ADGB: variants seen among roughly 807,000 people sequenced by gnomAD.
The protein encoded by ADGB is androglobin.
Under a neutral mutation model 210.5 loss-of-function variants are expected in ADGB, and 172 were observed. The observed-to-expected ratio is 0.82, with a 90% CI of 0.72 to 0.93. The LOEUF is 0.93. Ranked by LOEUF, ADGB falls within the 40% of genes least tolerant of loss-of-function variation. The probability of loss-of-function intolerance (pLI) is 0.00; values close to 1 mark genes in which losing one functional copy is unlikely to be tolerated. For missense variants in ADGB, 2,025 were observed against 1,964.8 expected, an observed-to-expected ratio of 1.03 and a Z score of -0.58; for synonymous variants, 658 against 662.7, an observed-to-expected ratio of 0.99 and a Z score of 0.11.
At chr6:146,663,368 T>A (rs1277023968) in intron 5 of ADGB, among the ~76,000 whole-genome samples, 1 of 151,652 alleles carries the variant, frequency 6.6e-6, no homozygotes, top group Non-Finnish European at 1.5e-5. Flanking sequence ...GTAGATTTGG[T>A]GTCTGGCAAA....
intron 7 of ADGB, 80 bp from the exon 8 acceptor site, chr6:146,672,140 T>A: frequency 7.0e-7 from 1 of 1,422,646 alleles, no homozygotes; most frequent in Non-Finnish European, 9.3e-7. Context: ...AAGTTGATTT[T>A]TCTGTCAGTA....
chr6:146,640,471 C>T (rs1369038043), intron 2 of ADGB, among the ~76,000 whole-genome samples: 1 of 151,890 alleles, frequency 6.6e-6, no homozygotes, highest in Non-Finnish European at 1.5e-5. Flanking sequence ...ATGAAAACTT[C>T]ATCCCAATAT....
At chr6:146,639,357 G>C (rs1775473463) in intron 2 of ADGB, 1 of 151,826 alleles carries the variant, frequency 6.6e-6, no homozygotes, top group South Asian at 2.1e-4. Context: ...CCACAAACTA[G>C]GTATGAAGGA....
chr6:146,704,339 G>T (rs1458886559), intron 13 of ADGB, among the ~76,000 whole-genome samples: 1 of 150,738 alleles, frequency 6.6e-6, no homozygotes, highest in Non-Finnish European at 1.5e-5. Flanking sequence ...GTTTGCAATT[G>T]TTGCCTGTGC....
rs1447253992 is a variant in ADGB at position 146,692,840 on chromosome 6, A to T, written c.1502A>T (p.Lys501Met). Residue 501 changes from lysine (K) to methionine (M), a missense_variant, in exon 12 of 36, where the codon AAG (lysine) becomes ATG (methionine). Physicochemically the swap from Lys to Met is moderately conservative, Grantham distance 95 (BLOSUM62 -1). Coordinates refer to ENST00000397944, the MANE Select transcript of ADGB (RefSeq NM_024694.4). Reference sequence around the variant, plus strand: ...TACTTTTTAGAGTTAATAGTAAAGAAGCCTGAACGGTTCCTTGAGATTTCA... The same window carrying T: ...TACTTTTTAGAGTTAATAGTAAAGATGCCTGAACGGTTCCTTGAGATTTCA... ...TDEAQELIVK[K>M]PERFLEISSP... 1 of 1,533,240 alleles carries T rather than the reference A, an allele frequency of 6.5e-7. No individual in the cohort carries two copies. The highest frequency in any genetic ancestry group is 1.2e-5 in the South Asian group (1 of 81,678). 95.0% of individuals were successfully genotyped at this position (1,533,240 alleles called of 1,614,324 possible). A position where few individuals can be genotyped will look rare whatever the true frequency, so the allele number is the denominator to read the frequency against.
At chr6:146,675,450 G>C (rs1269511985) in intron 8 of ADGB, among the ~76,000 whole-genome samples, 2 of 151,984 alleles carry the variant, frequency 1.3e-5, no homozygotes, top group Non-Finnish European at 2.9e-5. Flanking sequence ...ACTCCAGCCT[G>C]GGTGGCAGAG....
At chr6:146,727,135 T>C (rs1776906523) in intron 19 of ADGB, among the ~76,000 whole-genome samples, 1 of 151,376 alleles carries the variant, frequency 6.6e-6, no homozygotes. Flanking sequence ...GCCTTCCCAC[T>C]GCATAATTCC....
In ADGB at chr6:146,654,226, C is replaced by G; in HGVS notation, c.402+20C>G. Reference sequence around the variant, plus strand: ...AGCGAGGTATGTACAGAAATATGAACTAAAGTCTCACCATGAAATGACTTC... The same window carrying G: ...AGCGAGGTATGTACAGAAATATGAAGTAAAGTCTCACCATGAAATGACTTC... On this transcript the variant is annotated intron_variant, in intron 4 of 35. Coordinates refer to ENST00000397944, the MANE Select transcript of ADGB (RefSeq NM_024694.4). 2 of 1,507,542 alleles carry G rather than the reference C, an allele frequency of 1.3e-6. No homozygotes were observed. The highest frequency in any genetic ancestry group is 1.2e-5 in the South Asian group (1 of 81,416). The allele number at this position is 1,507,542 out of a possible 1,614,324, so 93.4% of individuals were successfully genotyped here. A position where few individuals can be genotyped will look rare whatever the true frequency, so the allele number is the denominator to read the frequency against.
chr6:146,749,716 A>C (rs1295847239), intron 26 of ADGB, among the ~76,000 whole-genome samples: 1 of 152,170 alleles, frequency 6.6e-6, no homozygotes, highest in South Asian at 2.1e-4. Context: ...AGTGACTCAC[A>C]GTTCTACAGT....
At chr6:146,738,702 C>A (rs988716290) in intron 23 of ADGB, among the ~76,000 whole-genome samples, 10 of 152,038 alleles carry the variant, frequency 6.6e-5, no homozygotes, top group African/African-American at 2.4e-4. Flanking sequence ...CCTGCCTCCG[C>A]CTCCCAAAGT....
At chr6:146,770,556 G>T (rs1446850593) in intron 29 of ADGB, 1 of 469,264 alleles carries the variant, frequency 2.1e-6, no homozygotes, top group Non-Finnish European at 4.4e-6. Flanking sequence ...AGTGGGAGAT[G>T]TCAATAAGTG....
chr6:146,799,535 GAAAAAAAA>G (rs35756296), intron 33 of ADGB, among the ~76,000 whole-genome samples: 1 of 93,466 alleles, frequency 1.1e-5, no homozygotes, highest in Admixed American at 1.3e-4. Flanking sequence ...TCTGGGGGGA[GAAAAAAAA>G]AAAAAAAAAA....
intron 35 of ADGB, among the ~76,000 whole-genome samples, chr6:146,805,575 C>A (rs1778198572): frequency 6.6e-6 from 1 of 152,022 alleles, no homozygotes; most frequent in Non-Finnish European, 1.5e-5. Flanking sequence ...ACCTCCAGAG[C>A]TTTCCTCTCT....
chr6:146,733,266 A>T lies in ADGB; in HGVS notation c.2656+11A>T. The T allele has an allele frequency of 6.9e-7, 1 of 1,443,260 alleles. No individual in the cohort carries two copies. Among genetic ancestry groups the T allele is most frequent in the Non-Finnish European group, 9.1e-7 (1 of 1,102,646 alleles). The allele number at this position is 1,443,260 out of a possible 1,614,324, so 89.4% of individuals were successfully genotyped here. A position where few individuals can be genotyped will look rare whatever the true frequency, so the allele number is the denominator to read the frequency against. ...AAGAGGTTTCTTTAGGTACCCATGA[A>T]TTGTATATATTTAATCAAGGAATTC... On this transcript the variant is annotated intron_variant, in intron 21 of 35. Transcript: ENST00000397944.
chr6:146,803,127 A>G, intron 35 of ADGB: 1 of 1,481,368 alleles, frequency 6.8e-7, no homozygotes, highest in Admixed American at 1.7e-5. Flanking sequence ...AAGGCAATCT[A>G]CCACAACGCC....
chr6:146,753,473 C>A (rs1777356857), intron 27 of ADGB, among the ~76,000 whole-genome samples: 1 of 151,844 alleles, frequency 6.6e-6, no homozygotes, highest in Non-Finnish European at 1.5e-5. Flanking sequence ...ACCTCCAAAC[C>A]AAGGTTAAAT....
At chr6:146,780,938 A>C (rs1256589760) in intron 29 of ADGB, among the ~76,000 whole-genome samples, 1 of 152,142 alleles carries the variant, frequency 6.6e-6, no homozygotes, top group Non-Finnish European at 1.5e-5. Context: ...TAGACCATGT[A>C]TAAATCAACA....
intron 22 of ADGB, among the ~76,000 whole-genome samples, chr6:146,736,064 C>A (rs1275880965): frequency 2.6e-5 from 4 of 152,160 alleles, no homozygotes; most frequent in Non-Finnish European, 5.9e-5. Context: ...ATTTTCTTGG[C>A]AAATTATCTA....
intron 1 of ADGB, among the ~76,000 whole-genome samples, chr6:146,602,759 C>T (rs1350857854): frequency 6.6e-6 from 1 of 152,156 alleles, no homozygotes; most frequent in African/African-American, 2.4e-5. Flanking sequence ...TCAACATTTC[C>T]CCCTGAGCTC....
Sources: gnomAD v4.1 joint callset for allele counts (sites outside exome capture counted in the v4.1 genomes callset) on GRCh38, gnomAD v4.1.1 for gene constraint, MANE v1.5 for transcripts, NCBI Gene and HGNC (gene_info 2026-07-23, HGNC 2026-07-21) for gene names.